STARD3: variants seen among roughly 807,000 people sequenced by gnomAD.
STARD3 encodes the protein stAR-related lipid transfer protein 3.
In STARD3, 39 loss-of-function variants were observed where a neutral mutation model predicts 62.0. That is an observed-to-expected ratio of 0.63 (90% CI 0.49 to 0.82). The LOEUF (loss-of-function observed/expected upper bound fraction) is 0.82, where lower values mean the gene tolerates loss of function less well. STARD3 is among the 40% of genes least tolerant of loss of function. The probability of loss-of-function intolerance (pLI) is 0.00; values close to 1 mark genes in which losing one functional copy is unlikely to be tolerated. For synonymous variants in STARD3, 229 were observed against 242.4 expected, an observed-to-expected ratio of 0.94 and a Z score of 0.51; for missense variants, 543 against 584.5, an observed-to-expected ratio of 0.93 and a Z score of 0.73.
intron 1 of STARD3, among the ~76,000 whole-genome samples, chr17:39,645,497 TCTCA>T (rs1567854593): frequency 6.6e-6 from 1 of 152,126 alleles, no homozygotes; most frequent in Non-Finnish European, 1.5e-5. Flanking sequence ...TGAGACAGAG[TCTCA>T]CTGTGTCACC....
intron 5 of STARD3, 93 bp downstream of exon 5, chr17:39,658,119 C>T (rs1371881088): frequency 7.2e-7 from 1 of 1,384,976 alleles, no homozygotes; most frequent in Non-Finnish European, 1.0e-6. Flanking sequence ...GGGTGTCTGT[C>T]CCTGTTGTCC....
chr17:39,660,470 G>A lies in STARD3; in HGVS notation c.898G>A (p.Val300Met). 1 of 1,614,026 alleles carries A rather than the reference G, an allele frequency of 6.2e-7. No homozygotes were observed. ...TCCTGCGGAGCTCGTGTACCAGGAG[G>A]TGATCCTGCAGCCCGAGAGGATGGT... ...PCPAELVYQE[V>M]ILQPERMVLW... Residue 300 changes from valine (V) to methionine (M), a missense_variant, in exon 11 of 15, where the codon GTG (valine) becomes ATG (methionine). Val to Met is a conservative substitution (Grantham distance 21). Transcript: ENST00000336308. The surrounding 1 kb of genome is among the most constrained non-coding windows in gnomAD (Gnocchi z 4.8).
chr17:39,659,865 T>A (rs2057175955), intron 9 of STARD3: 2 of 500,076 alleles, frequency 4.0e-6, no homozygotes, highest in African/African-American at 3.9e-5. Context: ...AAAACAACAT[T>A]ATCTACAAAG....
chr17:39,653,123 G>A (rs969722764), intron 1 of STARD3: 1 of 219,662 alleles, frequency 4.6e-6, no homozygotes, highest in Non-Finnish European at 9.1e-6. Flanking sequence ...AGAGGCTGTT[G>A]ACAGGACCAG....
At chr17:39,637,952 C>G (rs1160861093) in intron 1 of STARD3, among the ~76,000 whole-genome samples, 2 of 152,206 alleles carry the variant, frequency 1.3e-5, no homozygotes, top group Non-Finnish European at 2.9e-5. Flanking sequence ...CAGCGCAGCC[C>G]TTCCCTGGAG....
chr17:39,643,421 A>G (rs1016042601), intron 1 of STARD3, among the ~76,000 whole-genome samples: 1 of 152,100 alleles, frequency 6.6e-6, no homozygotes, highest in East Asian at 1.9e-4. Context: ...TCTCCTTCCC[A>G]TGAGTCATCA....
At chr17:39,662,077 C>T (rs1203226161) in intron 13 of STARD3, among the ~76,000 whole-genome samples, 174 bp from the exon 14 acceptor site, 1 of 152,094 alleles carries the variant, frequency 6.6e-6, no homozygotes, top group Non-Finnish European at 1.5e-5. Context: ...AGGGCCGATT[C>T]TGCAGCCCAT....
chr17:39,653,517 TG>T lies in STARD3; in HGVS notation c.-10del, dbSNP rs770538141. 6.2e-7 allele frequency: 1 copy of T among 1,600,226 alleles called. No individual in the cohort carries two copies. The highest frequency in any genetic ancestry group is 1.7e-5 in the Admixed American group (1 of 59,954). ...AGGCCGCGCCCTCCCCGCCCTGAGG[TG>T]GGGGCCCACCAGGATGAGCAAGCTG... is the stretch of plus-strand genomic sequence containing the variant. On this transcript the variant is annotated 5_prime_UTR_variant, in exon 2 of 15. Transcript: ENST00000336308.
At chr17:39,652,712 G>C (rs1372007379) in intron 1 of STARD3, 1 of 152,794 alleles carries the variant, frequency 6.5e-6, no homozygotes, top group Non-Finnish European at 1.5e-5. Flanking sequence ...CCACCTGCAG[G>C]CCTGGACTGA....
rs370054791 is a variant in STARD3 at position 39,660,794 on chromosome 17, C to T, written c.955-16C>T. On this transcript the variant is annotated splice_polypyrimidine_tract_variant and intron_variant, in intron 11 of 14. Coordinates refer to ENST00000336308, the MANE Select transcript of STARD3 (RefSeq NM_006804.4). This position sits in a 1 kb window ranked among gnomAD's most constrained non-coding sequence, Gnocchi z 4.8. Reference sequence around the variant, plus strand: ...TGGGGCGACCTGTTCCAAAAGTCTCCGTTGACGGCCCTCAGATCCTGCAGC... The same window carrying T: ...TGGGGCGACCTGTTCCAAAAGTCTCTGTTGACGGCCCTCAGATCCTGCAGC... 2.6e-5 allele frequency: 40 copies of T among 1,563,804 alleles called. No individual in the cohort carries two copies. The highest frequency in any genetic ancestry group is 2.1e-4 in the Admixed American group (11 of 53,546).
At chr17:39,657,733 G>A in intron 3 of STARD3, 42 bp from the exon 4 acceptor site, 1 of 1,609,594 alleles carries the variant, frequency 6.2e-7, no homozygotes, top group East Asian at 2.2e-5. Context: ...AGGGTGGGGG[G>A]CAGTAGCTTC....
In STARD3 at chr17:39,658,388, G is replaced by T; in HGVS notation, c.430-17G>T. 6.2e-7 allele frequency: 1 copy of T among 1,609,622 alleles called. No homozygotes were observed. ...GGGGTGACCCCTGCCATGGAGCTCA[G>T]CCCCCTCCCTTCACAGCTGCTCAGC... On this transcript the variant is annotated splice_polypyrimidine_tract_variant and intron_variant, in intron 5 of 14. Transcript: ENST00000336308.
Position 39,660,014 on chromosome 17 carries a change from A to G in STARD3, c.796-197A>G. The G allele has an allele frequency of 1.7e-6, 1 of 600,990 alleles. No homozygotes were observed. The highest frequency in any genetic ancestry group is 3.0e-6 in the Non-Finnish European group (1 of 338,644). 37.2% of individuals were successfully genotyped at this position (600,990 alleles called of 1,614,324 possible). ...CTGTCCCCCCGTCTTTTAACTCGAC[A>G]TCAAAAGCCTCTCTCCTGCCAGTGC... On this transcript the variant is annotated intron_variant, in intron 9 of 14. Coordinates refer to ENST00000336308, the MANE Select transcript of STARD3 (RefSeq NM_006804.4). This position sits in a 1 kb window ranked among gnomAD's most constrained non-coding sequence, Gnocchi z 4.8.
At chr17:39,659,245 A>C in intron 8 of STARD3, 139 bp downstream of exon 8, 1 of 1,178,298 alleles carries the variant, frequency 8.5e-7, no homozygotes, top group Non-Finnish European at 1.2e-6. Flanking sequence ...TGTCTCCCCC[A>C]CCACCAGTCC....
chr17:39,645,252 A>G (rs2057014926), intron 1 of STARD3, among the ~76,000 whole-genome samples: 1 of 152,120 alleles, frequency 6.6e-6, no homozygotes, highest in South Asian at 2.1e-4. Flanking sequence ...CCCCTCCCCC[A>G]ACCTGGAATT....
At chr17:39,662,369 T>C in intron 14 of STARD3, 25 bp downstream of exon 14, 1 of 1,607,868 alleles carries the variant, frequency 6.2e-7, no homozygotes, top group Non-Finnish European at 8.5e-7. Flanking sequence ...GGCTGCCAGG[T>C]GGGTTCTGTG....
intron 1 of STARD3, among the ~76,000 whole-genome samples, chr17:39,649,582 T>C (rs751352284): frequency 6.6e-6 from 1 of 152,190 alleles, no homozygotes; most frequent in African/African-American, 2.4e-5. Context: ...ATAAGAAATA[T>C]AAGGCTGAGC....
chr17:39,646,806 C>T (rs189740642), intron 1 of STARD3, among the ~76,000 whole-genome samples: 1 of 152,154 alleles, frequency 6.6e-6, no homozygotes, highest in Non-Finnish European at 1.5e-5. Flanking sequence ...GGTGTGGGGG[C>T]GTGTGCCCAC....
In STARD3 at chr17:39,659,467, G is replaced by A. The variant is rs1368329064; in HGVS notation, c.709G>A (p.Glu237Lys). The A allele has an allele frequency of 1.2e-6, 2 of 1,614,106 alleles. No homozygotes were observed. Among genetic ancestry groups the A allele is most frequent in the Non-Finnish European group, 1.7e-6 (2 of 1,180,004 alleles). The change falls in exon 9 of 15, where the codon GAG becomes AAG. Residue 237 changes from glutamate (E) to lysine (K), a missense_variant. Coordinates refer to ENST00000336308, the MANE Select transcript of STARD3 (RefSeq NM_006804.4). ...GCCTCCTGCTTCCGTCCAGGAGCGGGAGTACATCCGCCAGGGGAAGGAGGC... is the reference window on the plus strand; with the variant it reads ...GCCTCCTGCTTCCGTCCAGGAGCGGAAGTACATCCGCCAGGGGAAGGAGGC... ...GKKSFSAQER[E>K]YIRQGKEATA...
Sources: gnomAD v4.1 joint callset for allele counts (sites outside exome capture counted in the v4.1 genomes callset) on GRCh38, gnomAD v4.1.1 for gene constraint, Gnocchi (gnomAD v3.1) non-coding constraint, MANE v1.5 for transcripts, NCBI Gene and HGNC (gene_info 2026-07-23, HGNC 2026-07-21) for gene names.